Variants in DGKI observed in about 807,000 individuals in gnomAD.
DGKI encodes the protein DAG kinase iota.
DGKI carries 55 observed loss-of-function variants against 147.5 expected under a neutral mutation model. That is an observed-to-expected ratio of 0.37 (90% CI 0.30 to 0.47). The LOEUF (loss-of-function observed/expected upper bound fraction) is 0.47. DGKI is among the 20% of genes least tolerant of loss of function. The probability of loss-of-function intolerance (pLI) is 1.00; values close to 1 mark genes in which losing one functional copy is unlikely to be tolerated. For missense variants in DGKI, 1,007 were observed against 1,323.8 expected (o/e 0.76, Z 3.71); for synonymous variants, 469 against 477.1 (o/e 0.98, Z 0.22).
chr7:137,681,696 A>G (rs1350590070), intron 2 of DGKI, among the ~76,000 whole-genome samples: 1 of 152,268 alleles, frequency 6.6e-6, no homozygotes, highest in Non-Finnish European at 1.5e-5. Flanking sequence ...GCAAAATCCC[A>G]CTAACTACTT....
intron 23 of DGKI, among the ~76,000 whole-genome samples, chr7:137,483,104 T>C (rs1428937124): frequency 6.6e-6 from 1 of 152,086 alleles, no homozygotes; most frequent in Non-Finnish European, 1.5e-5. Context: ...AAACAATACA[T>C]GCAATACATA....
chr7:137,609,494 G>C (rs368502903), intron 9 of DGKI, 41 bp downstream of exon 9: 7 of 1,504,744 alleles, frequency 4.7e-6, no homozygotes, highest in South Asian at 1.1e-5. Flanking sequence ...ACTATGGAAA[G>C]AAAGTGGAAA....
At chr7:137,543,996 CAT>C (rs1817785880) in intron 20 of DGKI, among the ~76,000 whole-genome samples, 1 of 152,038 alleles carries the variant, frequency 6.6e-6, no homozygotes, top group Admixed American at 6.6e-5. Flanking sequence ...AAATCTATGA[CAT>C]GTAATATTCA....
intron 28 of DGKI, among the ~76,000 whole-genome samples, chr7:137,433,880 G>A (rs966175438): frequency 6.6e-6 from 1 of 152,176 alleles, no homozygotes; most frequent in Admixed American, 6.5e-5. Flanking sequence ...AACTTTGGGA[G>A]GCTGAGGCGG....
At chr7:137,508,083 TAAG>T (rs1793057828) in intron 21 of DGKI, among the ~76,000 whole-genome samples, 4 of 152,278 alleles carry the variant, frequency 2.6e-5, no homozygotes, top group African/African-American at 7.2e-5. Context: ...ATTTTTATAC[TAAG>T]AAGTTGAGAC....
chr7:137,787,555 G>A (rs1796712172), intron 1 of DGKI, among the ~76,000 whole-genome samples: 3 of 152,158 alleles, frequency 2.0e-5, no homozygotes, highest in Non-Finnish European at 2.9e-5. Context: ...AAACAGTGTG[G>A]AGATTCCTTA....
Position 137,620,021 on chromosome 7 carries a change from A to ACACG in DGKI, c.877-82_877-81insCGTG, listed in dbSNP as rs1554442883. The stretch of plus-strand genomic sequence containing the variant: ...AGAAGGGATAAATATGTACACACGC[A>ACACG]CACACACACACACACACACACACAC... On this transcript the variant is annotated intron_variant, in intron 7 of 32. Coordinates refer to ENST00000614521, the MANE Select transcript of DGKI (RefSeq NM_001321708.2). 1.6e-4 allele frequency: 69 copies of ACACG among 437,472 alleles called. No individual in the cohort carries two copies. The Middle Eastern group carries it at 2.1e-3, about 13-fold the overall frequency. 27.1% of individuals were successfully genotyped at this position (437,472 alleles called of 1,614,324 possible).
rs371683381 is a variant in DGKI, at chr7:137,517,917, T to A, written c.2248+3949A>T. Among the ~76,000 whole-genome samples, 45 of 152,280 alleles carry A rather than the reference T, an allele frequency of 3.0e-4. No individual in the cohort carries two copies. The South Asian group carries it at 8.7e-3, about 29-fold the overall frequency. On this transcript the variant is annotated intron_variant, in intron 21 of 32. Transcript: ENST00000614521. ...AATTGAATGATTTAGTTACACTTTC[T>A]TCCCATAATCTTTCTGTGATATTTA...
At chr7:137,493,819 T>C (rs1219469853) in intron 21 of DGKI, 6 of 701,460 alleles carry the variant, frequency 8.6e-6, no homozygotes, top group East Asian at 5.4e-5. Context: ...GCAATGGTTC[T>C]TAACCAGTCT....
chr7:137,484,581 C>A (rs759855312), intron 23 of DGKI, among the ~76,000 whole-genome samples: 1 of 151,854 alleles, frequency 6.6e-6, no homozygotes, highest in Non-Finnish European at 1.5e-5. Context: ...TCCTTGCAGT[C>A]GGGAGTAATA....
intron 3 of DGKI, among the ~76,000 whole-genome samples, chr7:137,675,631 GC>G: frequency 6.9e-6 from 1 of 143,914 alleles, no homozygotes; most frequent in Middle Eastern, 3.4e-3. Context: ...GTTGCAGTGA[GC>G]CGAGATCACA....
intron 1 of DGKI, among the ~76,000 whole-genome samples, chr7:137,730,670 T>G (rs1382526804): frequency 1.3e-5 from 2 of 152,080 alleles, no homozygotes; most frequent in African/African-American, 4.8e-5. Flanking sequence ...TACATACATA[T>G]GCATGCATGA....
At position 137,500,397 on chromosome 7, in the gene DGKI, C is replaced by T. The variant is rs1418181878; in HGVS notation, c.2249-12708G>A. Among the ~76,000 whole-genome samples, 3 of 152,218 alleles carry T rather than the reference C, an allele frequency of 2.0e-5. No individual in the cohort carries two copies. The East Asian group carries it at 5.8e-4, about 29-fold the overall frequency. On this transcript the variant is annotated intron_variant, in intron 21 of 32. Coordinates refer to ENST00000614521, the MANE Select transcript of DGKI (RefSeq NM_001321708.2). ...AGGTCACACTAATTAATTTTGTCTT[C>T]TATACTTGAAGTTAGACTACTTGAA...
intron 28 of DGKI, among the ~76,000 whole-genome samples, chr7:137,417,580 T>C (rs1469477748): frequency 1.3e-5 from 2 of 152,200 alleles, no homozygotes; most frequent in Non-Finnish European, 2.9e-5. Context: ...AAGGAAGAGA[T>C]GGCTTCTGTC....
intron 27 of DGKI, among the ~76,000 whole-genome samples, chr7:137,445,111 A>G (rs1813664337): frequency 6.6e-6 from 1 of 152,236 alleles, no homozygotes; most frequent in Non-Finnish European, 1.5e-5. Context: ...TGAGACATGA[A>G]GATAAACCTC....
chr7:137,663,894 T>C (rs1342234990), intron 3 of DGKI, among the ~76,000 whole-genome samples: 2 of 149,244 alleles, frequency 1.3e-5, no homozygotes, highest in Non-Finnish European at 2.9e-5. Context: ...AAAGGGCTTC[T>C]GACATAGGGC....
rs909905633 is a variant in DGKI at position 137,572,848 on chromosome 7, T to C, written c.1762-10A>G. ...GATCTGTTCCATCACACTGAAACAA[T>C]GAAAACAGAAAAGGGGTTTTGAAGT... is the stretch of plus-strand genomic sequence containing the variant. On this transcript the variant is annotated splice_polypyrimidine_tract_variant and intron_variant, in intron 17 of 32. Coordinates refer to ENST00000614521, the MANE Select transcript of DGKI (RefSeq NM_001321708.2). 1.2e-6 allele frequency: 2 copies of C among 1,601,054 alleles called. No individual in the cohort carries two copies. The highest frequency in any genetic ancestry group is 8.5e-7 in the Non-Finnish European group (1 of 1,175,206).
intron 32 of DGKI, among the ~76,000 whole-genome samples, chr7:137,393,547 A>C (rs538944887): frequency 6.6e-6 from 1 of 152,338 alleles, no homozygotes; most frequent in African/African-American, 2.4e-5. Flanking sequence ...TGTGTTTCTC[A>C]ATCAGGCTAA....
At chr7:137,508,830 CAAGAGAAAGGG>C (rs1816468107) in intron 21 of DGKI, among the ~76,000 whole-genome samples, 1 of 151,908 alleles carries the variant, frequency 6.6e-6, no homozygotes, top group Non-Finnish European at 1.5e-5. Flanking sequence ...ACAGAAAAAT[CAAGAGAAAGGG>C]AAAAGAAAAA....
Sources: allele counts gnomAD v4.1 joint callset (sites outside exome capture counted in the v4.1 genomes callset), GRCh38; gene constraint gnomAD v4.1.1; transcripts MANE v1.5; gene names NCBI Gene and HGNC (gene_info 2026-07-23, HGNC 2026-07-21).